Variants in GRM8 observed in about 807,000 individuals in gnomAD.
The protein encoded by GRM8 is metabotropic glutamate receptor 8.
GRM8 carries 47 observed loss-of-function variants against 87.2 expected under a neutral mutation model. The observed-to-expected ratio is 0.54, with a 90% CI of 0.43 to 0.69. The LOEUF (loss-of-function observed/expected upper bound fraction) is 0.69. Ranked by LOEUF, GRM8 falls within the 30% of genes least tolerant of loss-of-function variation. GRM8 has a pLI of 0.00. For synonymous variants in GRM8, 396 were observed against 404.5 expected (o/e 0.98, Z 0.25); for missense variants, 1,019 against 1,139.2 (o/e 0.89, Z 1.52).
At chr7:127,002,176 T>C (rs1813795354) in intron 3 of GRM8, among the ~76,000 whole-genome samples, 1 of 151,626 alleles carries the variant, frequency 6.6e-6, no homozygotes, top group Non-Finnish European at 1.5e-5. Flanking sequence ...ATGCATGTTG[T>C]TAAATGTAAA....
chr7:126,590,148 G>A (rs562939026), intron 8 of GRM8, among the ~76,000 whole-genome samples: 2 of 151,708 alleles, frequency 1.3e-5, no homozygotes, highest in Admixed American at 1.3e-4. Flanking sequence ...GACGGTATAA[G>A]GGAAAAATCT....
chr7:126,931,066 G>A (rs1001480668), intron 3 of GRM8, among the ~76,000 whole-genome samples: 2 of 152,176 alleles, frequency 1.3e-5, no homozygotes, highest in African/African-American at 4.8e-5. Context: ...GATACTGAAT[G>A]CATTGGAATG....
intron 3 of GRM8, among the ~76,000 whole-genome samples, chr7:126,907,243 A>G (rs1457428794): frequency 7.5e-6 from 1 of 133,892 alleles, no homozygotes; most frequent in African/African-American, 2.8e-5. Context: ...GAAGAGATGG[A>G]GGAGGAGGAG....
chr7:126,497,903 G>A (rs916549482), intron 9 of GRM8, among the ~76,000 whole-genome samples: 3 of 151,948 alleles, frequency 2.0e-5, no homozygotes, highest in African/African-American at 7.2e-5. Flanking sequence ...GTAGAGTGTA[G>A]GTGGGGACCT....
At chr7:126,897,602 TA>T (rs1331513774) in intron 6 of GRM8, among the ~76,000 whole-genome samples, 1 of 151,882 alleles carries the variant, frequency 6.6e-6, no homozygotes, top group Non-Finnish European at 1.5e-5. Context: ...AGAGGTCAGA[TA>T]AAAGTCTATA....
At chr7:126,731,292 TC>T (rs1192894489) in intron 7 of GRM8, among the ~76,000 whole-genome samples, 1 of 152,116 alleles carries the variant, frequency 6.6e-6, no homozygotes, top group Non-Finnish European at 1.5e-5. Context: ...CCTGAGCACT[TC>T]CTGTGTAACT....
chr7:127,252,862 C>A lies in GRM8; in HGVS notation c.-377G>T. On this transcript the variant is annotated 5_prime_UTR_variant, in exon 1 of 11. Coordinates refer to ENST00000339582, the MANE Select transcript of GRM8 (RefSeq NM_000845.3). The surrounding 1 kb of genome is among the most constrained non-coding windows in gnomAD (Gnocchi z 4.9). ...GGCCCGCAGCTCCATGTCAGCGCCGCCGCCGCCGCCGCCGCCGCCGCGTGA... is the reference window on the plus strand; with the variant it reads ...GGCCCGCAGCTCCATGTCAGCGCCGACGCCGCCGCCGCCGCCGCCGCGTGA... 9.2e-6 allele frequency: 2 copies of A among 217,274 alleles called. No individual in the cohort carries two copies. The highest frequency in any genetic ancestry group is 6.6e-5 in the South Asian group (1 of 15,130). 13.5% of individuals were successfully genotyped at this position (217,274 alleles called of 1,614,324 possible). A position where few individuals can be genotyped will look rare whatever the true frequency, so the allele number is the denominator to read the frequency against.
intron 6 of GRM8, among the ~76,000 whole-genome samples, chr7:126,816,732 TTGTG>T (rs3038866): frequency 0.44 from 63,778 of 145,632 alleles, 13,954 homozygotes; most frequent in East Asian, 0.53. Context: ...GTATATGATT[TTGTG>T]TGTGTGTGTG....
At chr7:126,519,956 G>T in intron 9 of GRM8, among the ~76,000 whole-genome samples, 1 of 151,552 alleles carries the variant, frequency 6.6e-6, no homozygotes, top group Middle Eastern at 3.4e-3. Context: ...AAGAGAAGTC[G>T]GTGTCAACTT....
chr7:127,005,843 T>C (rs1347876784), intron 3 of GRM8, among the ~76,000 whole-genome samples: 2 of 151,874 alleles, frequency 1.3e-5, no homozygotes, highest in East Asian at 1.9e-4. Context: ...ATTAACTGAT[T>C]TTATGTAAAC....
chr7:127,150,225 G>A (rs140932671), intron 2 of GRM8, among the ~76,000 whole-genome samples: 65 of 152,124 alleles, frequency 4.3e-4, no homozygotes, highest in Non-Finnish European at 5.9e-4. Flanking sequence ...ATAGAATGGA[G>A]GGCTCATATG....
chr7:127,161,600 C>T (rs1793120934), intron 2 of GRM8, among the ~76,000 whole-genome samples: 1 of 152,068 alleles, frequency 6.6e-6, no homozygotes, highest in Admixed American at 6.5e-5. Context: ...AGTAGAGCTG[C>T]TGAAGCAAAA....
At chr7:126,829,961 A>G (rs1001317301) in intron 6 of GRM8, among the ~76,000 whole-genome samples, 4 of 152,010 alleles carry the variant, frequency 2.6e-5, no homozygotes, top group Admixed American at 6.5e-5. Context: ...TTCACTTATG[A>G]AGCTTAGTTT....
intron 3 of GRM8, among the ~76,000 whole-genome samples, chr7:127,072,816 C>A (rs1174961555): frequency 6.6e-6 from 1 of 151,988 alleles, no homozygotes. Context: ...CATGATACAT[C>A]TTAAACATTA....
chr7:126,483,448 TCTCCCTCCCTCC>T (rs533636162), intron 9 of GRM8, among the ~76,000 whole-genome samples: 2 of 139,610 alleles, frequency 1.4e-5, no homozygotes, highest in South Asian at 2.2e-4. Flanking sequence ...TTCACTATTC[TCTCCCTCCCTCC>T]CTCCCTCCCT....
chr7:126,854,620 T>C (rs147500355), intron 6 of GRM8, among the ~76,000 whole-genome samples: 13 of 152,346 alleles, frequency 8.5e-5, no homozygotes, highest in African/African-American at 3.1e-4. Flanking sequence ...TCCACGCATC[T>C]ACATTTATGC....
chr7:127,090,179 T>C (rs1823916102), intron 3 of GRM8, among the ~76,000 whole-genome samples: 1 of 152,214 alleles, frequency 6.6e-6, no homozygotes, highest in Non-Finnish European at 1.5e-5. Flanking sequence ...GCTTCCATCT[T>C]GACCCTGCAA....
chr7:126,979,564 G>A (rs1052458881), intron 3 of GRM8, among the ~76,000 whole-genome samples: 11 of 152,156 alleles, frequency 7.2e-5, no homozygotes, highest in African/African-American at 2.7e-4. Flanking sequence ...CGTTCATGTG[G>A]TACAAAGAAA....
intron 2 of GRM8, among the ~76,000 whole-genome samples, chr7:127,216,279 G>A (rs953556238): frequency 6.6e-6 from 1 of 152,094 alleles, no homozygotes; most frequent in Non-Finnish European, 1.5e-5. Flanking sequence ...AGCACTTTGG[G>A]AGGCCGAGGC....
Sources: gnomAD v4.1 joint callset for allele counts (sites outside exome capture counted in the v4.1 genomes callset) on GRCh38, gnomAD v4.1.1 for gene constraint, Gnocchi (gnomAD v3.1) non-coding constraint, MANE v1.5 for transcripts, NCBI Gene and HGNC (gene_info 2026-07-23, HGNC 2026-07-21) for gene names.